VDAC1: variants seen among roughly 807,000 people sequenced by gnomAD.
VDAC1 encodes the protein voltage dependent anion channel 1.
VDAC1 carries 10 observed loss-of-function variants against 34.7 expected under a neutral mutation model. The ratio of observed to expected loss-of-function variants is 0.29; its 90% CI spans 0.18 to 0.49. VDAC1 has a LOEUF of 0.49. Ranked by LOEUF, VDAC1 falls within the 20% of genes least tolerant of loss-of-function variation. The probability of loss-of-function intolerance (pLI) is 0.99; values close to 1 mark genes in which losing one functional copy is unlikely to be tolerated. For synonymous variants in VDAC1, 130 were observed against 136.0 expected, an observed-to-expected ratio of 0.96 and a Z score of 0.30; for missense variants, 230 against 347.9, an observed-to-expected ratio of 0.66 and a Z score of 2.69.
the VDAC1 span, among the ~76,000 whole-genome samples, chr5:134,044,155 C>T: frequency 6.6e-6 from 1 of 152,302 alleles, no homozygotes; most frequent in East Asian, 1.9e-4. Flanking sequence ...GTTTACACCC[C>T]CTCATTTCCG....
chr5:134,102,185 C>T, the VDAC1 span, among the ~76,000 whole-genome samples: 1 of 152,080 alleles, frequency 6.6e-6, no homozygotes, highest in Non-Finnish European at 1.5e-5. Context: ...CTGTGAGCAG[C>T]CCCCGCCGCT....
At chr5:134,020,740 G>C in the VDAC1 span, among the ~76,000 whole-genome samples, 7 of 151,918 alleles carry the variant, frequency 4.6e-5, no homozygotes, top group Non-Finnish European at 7.4e-5. Flanking sequence ...GCAGTGGCGC[G>C]ATCTCGGCTC....
At chr5:134,093,171 A>C in the VDAC1 span, among the ~76,000 whole-genome samples, 1 of 152,210 alleles carries the variant, frequency 6.6e-6, no homozygotes, top group African/African-American at 2.4e-5. Flanking sequence ...ATAGAACTGG[A>C]TATGGGTCCT....
At chr5:134,070,151 T>C in the VDAC1 span, among the ~76,000 whole-genome samples, 1 of 151,954 alleles carries the variant, frequency 6.6e-6, no homozygotes, top group Non-Finnish European at 1.5e-5. Flanking sequence ...TACTTTCTTA[T>C]TTTTTTTGGA....
the VDAC1 span, among the ~76,000 whole-genome samples, chr5:134,107,903 C>T: frequency 2.6e-5 from 4 of 152,168 alleles, no homozygotes; most frequent in African/African-American, 7.2e-5. Flanking sequence ...CCCAAGGTCC[C>T]GCTCACACTG....
At chr5:133,972,970 T>C (rs541978231) in intron 8 of VDAC1, 108 bp from the exon 9 acceptor site, 1 of 874,656 alleles carries the variant, frequency 1.1e-6, no homozygotes, top group African/African-American at 1.7e-5. Flanking sequence ...ATCAGCAGGG[T>C]CCAAACTACA....
At chr5:134,024,354 C>G in the VDAC1 span, among the ~76,000 whole-genome samples, 1 of 151,566 alleles carries the variant, frequency 6.6e-6, no homozygotes, top group South Asian at 2.1e-4. Context: ...ATGGTGAAAC[C>G]CTGTCTCTAC....
the VDAC1 span, among the ~76,000 whole-genome samples, chr5:134,052,442 T>C: frequency 6.6e-6 from 1 of 151,972 alleles, no homozygotes; most frequent in Non-Finnish European, 1.5e-5. Flanking sequence ...AATCCTCCCA[T>C]GCTACCACGC....
At position 133,990,844 on chromosome 5, in the gene VDAC1, G is replaced by C; in HGVS notation, c.323+11C>G. 1 of 1,530,604 alleles carries C rather than the reference G, an allele frequency of 6.5e-7. No homozygotes were observed. Among genetic ancestry groups the C allele is most frequent in the Admixed American group, 2.1e-5 (1 of 47,728 alleles). 94.8% of individuals were successfully genotyped at this position (1,530,604 alleles called of 1,614,324 possible). A position where few individuals can be genotyped will look rare whatever the true frequency, so the allele number is the denominator to read the frequency against. On this transcript the variant is annotated intron_variant, in intron 5 of 8. Transcript: ENST00000265333. Reference sequence around the variant, plus strand: ...GAACATCCTTGTGGAGAAAACAGATGAAACTCTTACCCAGTGTTAGGTGAG... The same window carrying C: ...GAACATCCTTGTGGAGAAAACAGATCAAACTCTTACCCAGTGTTAGGTGAG...
chr5:134,080,641 A>G, the VDAC1 span, among the ~76,000 whole-genome samples: 1 of 152,178 alleles, frequency 6.6e-6, no homozygotes, highest in Non-Finnish European at 1.5e-5. Context: ...ATGAGTTGAC[A>G]TTTATTGTGC....
chr5:134,057,133 G>A, the VDAC1 span, among the ~76,000 whole-genome samples: 2 of 151,858 alleles, frequency 1.3e-5, no homozygotes, highest in Admixed American at 6.6e-5. Context: ...TCAGGAGTTC[G>A]AGACCAGCCT....
At chr5:134,006,991 C>T (rs1173893908), upstream of VDAC1, among the ~76,000 whole-genome samples, 2 of 151,936 alleles carry the variant, frequency 1.3e-5, no homozygotes, top group Non-Finnish European at 2.9e-5. Flanking sequence ...CTCCTGTAAT[C>T]CCAGCACTTT....
At chr5:134,006,761 CA>C (rs1233259669), upstream of VDAC1, among the ~76,000 whole-genome samples, 1 of 92,960 alleles carries the variant, frequency 1.1e-5, no homozygotes, top group East Asian at 3.8e-4. Flanking sequence ...AAAAAAAAAA[CA>C]AAAAAAAACA....
intron 5 of VDAC1, among the ~76,000 whole-genome samples, chr5:133,982,977 C>T (rs997443762): frequency 6.6e-6 from 1 of 151,538 alleles, no homozygotes; most frequent in Non-Finnish European, 1.5e-5. Flanking sequence ...CCACTGGGCG[C>T]AGTGGCTCAT....
chr5:134,006,136 G>T (rs965570229), upstream of VDAC1, among the ~76,000 whole-genome samples: 1 of 152,190 alleles, frequency 6.6e-6, no homozygotes, highest in African/African-American at 2.4e-5. Context: ...TAGGGGCTGG[G>T]GGAGGGGTGA....
chr5:134,008,623 CAT>C (rs1753790915), upstream of VDAC1, among the ~76,000 whole-genome samples: 1 of 152,132 alleles, frequency 6.6e-6, no homozygotes, highest in South Asian at 2.1e-4. Flanking sequence ...CTTTCAAGAA[CAT>C]AGGATGAAAC....
At chr5:134,030,603 TC>T in the VDAC1 span, among the ~76,000 whole-genome samples, 64,575 of 144,696 alleles carry the variant, frequency 0.45, 15,634 homozygotes, top group Middle Eastern at 0.56. Context: ...TTTCTTTCTT[TC>T]TTTTTTTTTT....
chr5:134,093,074 C>G, the VDAC1 span, among the ~76,000 whole-genome samples: 1 of 152,244 alleles, frequency 6.6e-6, no homozygotes, highest in Non-Finnish European at 1.5e-5. Context: ...TACCAGCAAT[C>G]TGCTGCAGTT....
the VDAC1 span, among the ~76,000 whole-genome samples, chr5:134,084,581 C>G: frequency 2.0e-5 from 3 of 152,264 alleles, no homozygotes; most frequent in Non-Finnish European, 4.4e-5. Context: ...TGCTCAGGTC[C>G]TGGCTACCTC....
Sources: gnomAD v4.1 joint callset for allele counts (sites outside exome capture counted in the v4.1 genomes callset) on GRCh38, gnomAD v4.1.1 for gene constraint, MANE v1.5 for transcripts, NCBI Gene and HGNC (gene_info 2026-07-23, HGNC 2026-07-21) for gene names.